The following YEATS2 variants were observed in gnomAD, a reference collection of about 807,000 sequenced individuals.
The protein encoded by YEATS2 is YEATS domain containing 2.
A neutral mutation model predicts 163.2 loss-of-function variants in YEATS2; 77 were observed. That is an observed-to-expected ratio of 0.47 (90% CI 0.39 to 0.57). The LOEUF is 0.57. YEATS2 is among the 20% of genes least tolerant of loss of function. YEATS2 has a pLI of 0.00. For synonymous variants in YEATS2, 631 were observed against 645.1 expected, an observed-to-expected ratio of 0.98 and a Z score of 0.33; for missense variants, 1,549 against 1,729.8, an observed-to-expected ratio of 0.90 and a Z score of 1.85.
At chr3:183,804,294 T>C (rs1725970587) in intron 27 of YEATS2, 106 bp downstream of exon 27, 2 of 1,358,824 alleles carry the variant, frequency 1.5e-6, no homozygotes, top group Non-Finnish European at 2.0e-6. Context: ...ACGAGAGCCT[T>C]TCCTACCTCC....
intron 7 of YEATS2, among the ~76,000 whole-genome samples, chr3:183,732,732 T>C (rs2109134059): frequency 6.6e-6 from 1 of 151,928 alleles, no homozygotes; most frequent in South Asian, 2.1e-4. Flanking sequence ...GCTAACGTTT[T>C]TGTATTTTTA....
chr3:183,791,962 G>A (rs891097611), intron 21 of YEATS2, among the ~76,000 whole-genome samples: 18 of 152,104 alleles, frequency 1.2e-4, no homozygotes, highest in Non-Finnish European at 2.1e-4. Context: ...AGGTTGAGAG[G>A]TTTAAATGAG....
intron 15 of YEATS2, among the ~76,000 whole-genome samples, chr3:183,763,007 C>T (rs979682147): frequency 2.0e-5 from 3 of 151,264 alleles, no homozygotes; most frequent in East Asian, 1.9e-4. Flanking sequence ...GCTGAGATCG[C>T]GGCACTGCAC....
At chr3:183,807,160 TTCACAGACCCAGACCCAGGTGTTCAGCC>T in intron 28 of YEATS2, 68 bp downstream of exon 28, 1 of 1,422,846 alleles carries the variant, frequency 7.0e-7, no homozygotes, top group Non-Finnish European at 9.7e-7. Flanking sequence ...GACGTTCAGC[TTCACAGACCCAGACCCAGGTGTTCAGCC>T]TCACAGACAC....
At chr3:183,791,647 G>GAATTCACT (rs1162908679) in intron 21 of YEATS2, among the ~76,000 whole-genome samples, 1 of 152,098 alleles carries the variant, frequency 6.6e-6, no homozygotes, top group Non-Finnish European at 1.5e-5. Context: ...GTGTCGAATA[G>GAATTCACT]AATTCACTAT....
rs186576539 is a variant in YEATS2, at chr3:183,778,853, G to A, written c.2736+1153G>A. On this transcript the variant is annotated intron_variant, in intron 19 of 30. Transcript: ENST00000305135. ...ATACCTGTAAAAGCCATATTAGCCT[G>A]GAGTTTTCCTAATTGAGAAGGTTTT... 3.9e-5 allele frequency among the ~76,000 whole-genome samples: 6 copies of A among 152,162 alleles called. No individual in the cohort carries two copies. In the East Asian group the frequency reaches 1.2e-3, roughly 29 times the overall value.
chr3:183,786,083 T>C (rs1285692357), intron 19 of YEATS2, 42 bp from the exon 20 acceptor site: 10 of 1,595,214 alleles, frequency 6.3e-6, no homozygotes, highest in Non-Finnish European at 8.6e-6. Flanking sequence ...ATGTCTATTA[T>C]CCAAGGCAAC....
At chr3:183,770,717 ATGT>A (rs1217309716) in intron 15 of YEATS2, among the ~76,000 whole-genome samples, 2 of 152,146 alleles carry the variant, frequency 1.3e-5, no homozygotes, top group Admixed American at 6.5e-5. Context: ...AGGAAACGTG[ATGT>A]TGTTTGTGTT....
At chr3:183,796,099 C>T (rs959933501) in intron 21 of YEATS2, among the ~76,000 whole-genome samples, 4 of 150,140 alleles carry the variant, frequency 2.7e-5, no homozygotes, top group African/African-American at 9.8e-5. Context: ...TTTCCTGCCT[C>T]AGCCTCCCAA....
At chr3:183,790,171 A>G (rs1724472906) in intron 20 of YEATS2, among the ~76,000 whole-genome samples, 1 of 152,186 alleles carries the variant, frequency 6.6e-6, no homozygotes, top group Non-Finnish European at 1.5e-5. Context: ...AGATTCCTCT[A>G]AAGTGCCTAA....
chr3:183,778,795 A>C (rs1698302844), intron 19 of YEATS2, among the ~76,000 whole-genome samples: 1 of 152,086 alleles, frequency 6.6e-6, no homozygotes, highest in Admixed American at 6.6e-5. Flanking sequence ...GTTTATATAG[A>C]ATTGGTACTG....
chr3:183,728,551 A>T, intron 6 of YEATS2, 139 bp from the exon 7 acceptor site: 1 of 733,758 alleles, frequency 1.4e-6, no homozygotes, highest in Non-Finnish European at 2.1e-6. Flanking sequence ...GCAAAGACTC[A>T]TTTTGCTTGT....
chr3:183,771,696 A>G (rs191688049), intron 15 of YEATS2, among the ~76,000 whole-genome samples: 1 of 134,488 alleles, frequency 7.4e-6, no homozygotes, highest in Admixed American at 7.6e-5. Context: ...GGGACTACAG[A>G]TGTGTGCCAC....
chr3:183,711,853 T>A (rs2109005953), intron 1 of YEATS2, among the ~76,000 whole-genome samples: 1 of 151,976 alleles, frequency 6.6e-6, no homozygotes, highest in South Asian at 2.1e-4. Flanking sequence ...GGAGTCTTGC[T>A]TTGTCACCCA....
intron 7 of YEATS2, among the ~76,000 whole-genome samples, chr3:183,732,057 C>A (rs1017233385): frequency 1.3e-5 from 2 of 151,666 alleles, no homozygotes; most frequent in African/African-American, 2.4e-5. Context: ...TTTTTAATAG[C>A]AGGAAATGTA....
chr3:183,775,840 G>C, intron 17 of YEATS2, 75 bp from the exon 18 acceptor site: 1 of 1,599,080 alleles, frequency 6.3e-7, no homozygotes, highest in Non-Finnish European at 8.5e-7. Flanking sequence ...ACATCTCTCT[G>C]GGCTCATTTG....
At chr3:183,708,048 A>C (rs1714798261) in intron 1 of YEATS2, among the ~76,000 whole-genome samples, 1 of 152,114 alleles carries the variant, frequency 6.6e-6, no homozygotes, top group Non-Finnish European at 1.5e-5. Context: ...TCTGATATTC[A>C]AATGATGTGA....
At chr3:183,773,868 A>G (rs528364438) in intron 17 of YEATS2, 74 bp downstream of exon 17, 76 of 1,472,084 alleles carry the variant, frequency 5.2e-5, no homozygotes, top group African/African-American at 4.6e-4. Context: ...ATCTGAGGGC[A>G]GTTCTTACCT....
chr3:183,714,100 G>A (rs1349663017), intron 1 of YEATS2, among the ~76,000 whole-genome samples: 1 of 151,908 alleles, frequency 6.6e-6, no homozygotes, highest in Non-Finnish European at 1.5e-5. Flanking sequence ...ACCACACCCG[G>A]CCCATAATTT....
Sources: gnomAD v4.1 joint callset for allele counts (sites outside exome capture counted in the v4.1 genomes callset) on GRCh38, gnomAD v4.1.1 for gene constraint, MANE v1.5 for transcripts, NCBI Gene and HGNC (gene_info 2026-07-23, HGNC 2026-07-21) for gene names.